Variants in ZNF273 observed in about 807,000 individuals in gnomAD.
ZNF273 encodes the protein zinc finger protein 9.
In ZNF273, 11 loss-of-function variants were observed where a neutral mutation model predicts 14.9. That is an observed-to-expected ratio of 0.74 (90% CI 0.46 to 1.22). ZNF273 has a LOEUF of 1.22. ZNF273 is among the 50% of genes most tolerant of loss of function. The pLI is 0.00. For missense variants in ZNF273, 577 were observed against 660.6 expected (o/e 0.87, Z 1.39); for synonymous variants, 199 against 223.9 (o/e 0.89, Z 0.99).
chr7:64,894,842 A>C (rs1222760386), downstream of ZNF273, among the ~76,000 whole-genome samples: 1 of 152,134 alleles, frequency 6.6e-6, no homozygotes, highest in Non-Finnish European at 1.5e-5. Flanking sequence ...TATATACGAA[A>C]GATCGGGCCG....
downstream of ZNF273, chr7:64,933,681 A>G (rs1044016204): frequency 2.0e-5 from 3 of 152,244 alleles, no homozygotes; most frequent in South Asian, 2.1e-4. Context: ...TTTTGATACT[A>G]TTCAGCCAAG....
chr7:64,889,493 T>A (rs884103), downstream of ZNF273: 885,631 of 985,682 alleles, frequency 0.9, 398,388 homozygotes, highest in South Asian at 0.95. The surrounding 1 kb of genome is among the most constrained non-coding windows in gnomAD (Gnocchi z 4.2). Flanking sequence ...AGGTTCCCGG[T>A]TTCTTCTAGG....
intron 1 of ZNF273, among the ~76,000 whole-genome samples, chr7:64,916,696 G>T: frequency 6.6e-6 from 1 of 150,458 alleles, no homozygotes. Context: ...GTGATGCTGT[G>T]TTTTTCTGTG....
At chr7:64,932,562 C>G (rs1795013740), downstream of ZNF273, among the ~76,000 whole-genome samples, 1 of 152,100 alleles carries the variant, frequency 6.6e-6, no homozygotes, top group East Asian at 1.9e-4. Flanking sequence ...CCTCCGCCTC[C>G]CAGAGTGCTG....
At chr7:64,910,535 T>TTATTG in intron 1 of ZNF273, among the ~76,000 whole-genome samples, 1 of 152,204 alleles carries the variant, frequency 6.6e-6, no homozygotes, top group South Asian at 2.1e-4. Context: ...ATGAGCCTGT[T>TTATTG]TTTTGTTTTG....
chr7:64,926,150 CTT>C (rs755107397), intron 3 of ZNF273, among the ~76,000 whole-genome samples: 6 of 103,852 alleles, frequency 5.8e-5, no homozygotes, highest in Admixed American at 1.0e-4. Context: ...CACTTGGCAG[CTT>C]TTTTTTTTTT....
upstream of ZNF273, among the ~76,000 whole-genome samples, chr7:64,900,961 G>A (rs935566652): frequency 6.6e-6 from 1 of 151,660 alleles, no homozygotes; most frequent in Non-Finnish European, 1.5e-5. Context: ...ATGCCACGAG[G>A]ATTATAGGCA....
intron 1 of ZNF273, chr7:64,888,214 G>A (rs894896625): frequency 6.8e-5 from 58 of 847,090 alleles, no homozygotes; most frequent in Non-Finnish European, 7.8e-5. Flanking sequence ...CCTGGCTGCT[G>A]CTGCTGCTGC....
chr7:64,915,175 A>C (rs1197793617), intron 1 of ZNF273, among the ~76,000 whole-genome samples: 1 of 152,184 alleles, frequency 6.6e-6, no homozygotes, highest in Non-Finnish European at 1.5e-5. Flanking sequence ...TCCATGCAGA[A>C]TTCTCACATG....
chr7:64,911,399 G>C (rs1793502266), intron 1 of ZNF273, among the ~76,000 whole-genome samples: 1 of 151,870 alleles, frequency 6.6e-6, no homozygotes. Flanking sequence ...AAATAGCTGG[G>C]ATTACAGGCA....
intron 1 of ZNF273, among the ~76,000 whole-genome samples, chr7:64,914,493 C>CT (rs1241140057): frequency 1.3e-5 from 2 of 151,984 alleles, no homozygotes; most frequent in Non-Finnish European, 2.9e-5. Context: ...ACAGAATCAG[C>CT]TATGAGGGGT....
chr7:64,916,293 A>G (rs6963284), intron 1 of ZNF273, among the ~76,000 whole-genome samples: 1,706 of 148,774 alleles, frequency 0.011, 30 homozygotes, highest in African/African-American at 0.039. Context: ...AATCCCATAC[A>G]CTTTTGGAGG....
At chr7:64,900,134 T>G (rs1792605696), upstream of ZNF273, among the ~76,000 whole-genome samples, 2 of 151,814 alleles carry the variant, frequency 1.3e-5, no homozygotes, top group Non-Finnish European at 2.9e-5. Flanking sequence ...TTTTTTTTGT[T>G]TGTTTGTTTT....
At chr7:64,901,106 G>A (rs1007181013), upstream of ZNF273, among the ~76,000 whole-genome samples, 2 of 151,804 alleles carry the variant, frequency 1.3e-5, no homozygotes, top group Admixed American at 6.6e-5. Flanking sequence ...GAGTTCAAGC[G>A]ATTCTCATAC....
chr7:64,889,242 C>T (rs1791807767), downstream of ZNF273: 1 of 985,640 alleles, frequency 1.0e-6, no homozygotes, highest in Non-Finnish European at 1.2e-6. This position sits in a 1 kb window ranked among gnomAD's most constrained non-coding sequence, Gnocchi z 4.2. Flanking sequence ...TTCCTTGGCC[C>T]CGCTCCCCGC....
intron 1 of ZNF273, among the ~76,000 whole-genome samples, chr7:64,907,014 T>C (rs1241191250): frequency 6.6e-6 from 1 of 152,184 alleles, no homozygotes; most frequent in Non-Finnish European, 1.5e-5. Flanking sequence ...GAAGTCAGCA[T>C]GTTCTTAGCT....
downstream of ZNF273, chr7:64,890,221 T>TGTGTGA: frequency 1.2e-3 from 80 of 64,110 alleles, 1 homozygote; most frequent in Non-Finnish European, 2.4e-3. Flanking sequence ...TGTGTGTGTG[T>TGTGTGA]GAGAGAGAGA....
intron 1 of ZNF273, among the ~76,000 whole-genome samples, chr7:64,913,564 T>A (rs1793724491): frequency 6.6e-6 from 1 of 152,244 alleles, no homozygotes; most frequent in South Asian, 2.1e-4. Context: ...TTCTGTTTAA[T>A]CTGTAAACTT....
At chr7:64,889,439 C>G (rs920909631), downstream of ZNF273, 75 of 985,710 alleles carry the variant, frequency 7.6e-5, no homozygotes, top group African/African-American at 1.2e-3. The surrounding 1 kb of genome is among the most constrained non-coding windows in gnomAD (Gnocchi z 4.2). Context: ...CACTCGGGCT[C>G]GGGTGGCCTC....
Sources: gnomAD v4.1 joint callset for allele counts (sites outside exome capture counted in the v4.1 genomes callset) on GRCh38, gnomAD v4.1.1 for gene constraint, Gnocchi (gnomAD v3.1) non-coding constraint, MANE v1.5 for transcripts, NCBI Gene and HGNC (gene_info 2026-07-23, HGNC 2026-07-21) for gene names.